ETF1: variants seen among roughly 807,000 people sequenced by gnomAD.
The protein encoded by ETF1 is eukaryotic translation termination factor 1.
Under a neutral mutation model 55.1 loss-of-function variants are expected in ETF1, and 4 were observed. That is an observed-to-expected ratio of 0.07 (90% CI 0.04 to 0.17). The LOEUF (loss-of-function observed/expected upper bound fraction) is 0.17, where lower values mean the gene tolerates loss of function less well. Ranked by LOEUF, ETF1 falls within the 10% of genes least tolerant of loss-of-function variation. The probability of loss-of-function intolerance (pLI) is 1.00; values close to 1 mark genes in which losing one functional copy is unlikely to be tolerated. For synonymous variants in ETF1, 157 were observed against 182.3 expected (o/e 0.86, Z 1.12); for missense variants, 142 against 523.6 (o/e 0.27, Z 7.11).
intron 4 of ETF1, among the ~76,000 whole-genome samples, chr5:138,516,910 C>T (rs891715380): frequency 5.3e-5 from 8 of 151,914 alleles, no homozygotes; most frequent in African/African-American, 1.9e-4. Flanking sequence ...ACTGATGAAA[C>T]GAGAAGCTAT....
chr5:138,508,563 C>A, intron 10 of ETF1, 106 bp downstream of exon 10: 1 of 1,563,430 alleles, frequency 6.4e-7, no homozygotes, highest in Non-Finnish European at 8.6e-7. Flanking sequence ...AATCACCTAT[C>A]CCAGCAGATA....
intron 2 of ETF1, among the ~76,000 whole-genome samples, chr5:138,535,553 C>G (rs2127127065): frequency 6.6e-6 from 1 of 151,920 alleles, no homozygotes; most frequent in South Asian, 2.1e-4. Context: ...AACTCTGTCT[C>G]TACTAAAAAA....
At chr5:138,514,348 G>GT (rs1343442960) in intron 4 of ETF1, among the ~76,000 whole-genome samples, 2 of 152,166 alleles carry the variant, frequency 1.3e-5, no homozygotes, top group Non-Finnish European at 2.9e-5. Flanking sequence ...GAGCTCAGGA[G>GT]TTTGAGACTG....
intron 2 of ETF1, among the ~76,000 whole-genome samples, chr5:138,527,956 G>C (rs1263405639): frequency 1.3e-5 from 2 of 152,028 alleles, no homozygotes; most frequent in African/African-American, 2.4e-5. Flanking sequence ...ATTTTTAGTA[G>C]AGACGGGGTT....
At chr5:138,524,352 AAAC>A (rs1765366941) in intron 2 of ETF1, among the ~76,000 whole-genome samples, 1 of 151,880 alleles carries the variant, frequency 6.6e-6, no homozygotes, top group South Asian at 2.1e-4. Context: ...GACTGTCACA[AAAC>A]AACAAACCAA....
chr5:138,533,072 T>C (rs1335328170), intron 2 of ETF1, among the ~76,000 whole-genome samples: 1 of 151,960 alleles, frequency 6.6e-6, no homozygotes, highest in African/African-American at 2.4e-5. Context: ...CCCAAGTAGC[T>C]GGGATTACAG....
rs58386195 is a variant in ETF1 at position 138,512,197 on chromosome 5, C to CAAAA, written c.732+563_732+566dup. ...TAGGCAAGATAGCCAGACCCAGTCT[C>CAAAA]AAAAAAAAAAAAAAAAAAAAAAAAA... On this transcript the variant is annotated intron_variant, in intron 6 of 10. Transcript: ENST00000360541. Among the ~76,000 whole-genome samples the CAAAA allele has an allele frequency of 6.3e-3, 18 of 2,842 alleles. 4 individuals carry two copies. The highest frequency in any genetic ancestry group is 7.2e-3 in the Non-Finnish European group (13 of 1,796). 1.9% of individuals were successfully genotyped at this position (2,842 alleles called of 152,430 possible). A position where few individuals can be genotyped will look rare whatever the true frequency, so the allele number is the denominator to read the frequency against.
chr5:138,519,296 G>T, intron 2 of ETF1: 1 of 554,720 alleles, frequency 1.8e-6, no homozygotes, highest in Non-Finnish European at 2.3e-6. Flanking sequence ...AGGCATATTT[G>T]TAATCAAGAA....
In ETF1 at chr5:138,541,504, A is replaced by G. The variant is rs1438003353; in HGVS notation, c.86+1329T>C. On this transcript the variant is annotated intron_variant, in intron 2 of 10. Transcript: ENST00000360541. Reference sequence around the variant, plus strand: ...GTCCCTAATTTATTAAGAACAAAACACTAGTAAAACCAACCTGTGAATTGG... The same window carrying G: ...GTCCCTAATTTATTAAGAACAAAACGCTAGTAAAACCAACCTGTGAATTGG... 3 of 1,513,352 alleles carry G rather than the reference A, an allele frequency of 2.0e-6. No individual in the cohort carries two copies. The South Asian group carries it at 3.6e-5, about 18-fold the overall frequency. 93.7% of individuals were successfully genotyped at this position (1,513,352 alleles called of 1,614,324 possible). A position where few individuals can be genotyped will look rare whatever the true frequency, so the allele number is the denominator to read the frequency against.
intron 2 of ETF1, among the ~76,000 whole-genome samples, chr5:138,526,930 G>A (rs961498530): frequency 1.3e-5 from 2 of 152,110 alleles, no homozygotes; most frequent in Non-Finnish European, 2.9e-5. Context: ...TCGATCTCCC[G>A]ACCTTGTGAT....
chr5:138,538,587 T>C (rs1436092005), intron 2 of ETF1, among the ~76,000 whole-genome samples: 1 of 152,132 alleles, frequency 6.6e-6, no homozygotes, highest in African/African-American at 2.4e-5. Context: ...TTTATGAGCC[T>C]GAACTTTAAA....
In ETF1 at chr5:138,543,157, G is replaced by T. The variant is rs1396135169; in HGVS notation, c.-79C>A. 1.0e-5 allele frequency: 6 copies of T among 580,274 alleles called. No homozygotes were observed. The East Asian group carries it at 1.8e-4, about 17-fold the overall frequency. The allele number at this position is 580,274 out of a possible 1,614,324, so 35.9% of individuals were successfully genotyped here. A position where few individuals can be genotyped will look rare whatever the true frequency, so the allele number is the denominator to read the frequency against. ...TCCCCGGCGGCGGCTCCGCGGCGGC[G>T]GCGGCTCTGACGTAGGACACCGGCT... On this transcript the variant is annotated 5_prime_UTR_variant, in exon 1 of 11. Coordinates refer to ENST00000360541, the MANE Select transcript of ETF1 (RefSeq NM_004730.4).
chr5:138,510,977 T>C, intron 8 of ETF1, 68 bp downstream of exon 8: 1 of 1,571,540 alleles, frequency 6.4e-7, no homozygotes, highest in South Asian at 1.2e-5. Flanking sequence ...CAGCCATCCC[T>C]CCCAAATCTC....
rs1381290670 is a variant in ETF1, at chr5:138,543,148, C to CGCGGCG, written c.-76_-71dup. The CGCGGCG allele has an allele frequency of 1.7e-6, 1 of 576,378 alleles. No homozygotes were observed. The highest frequency in any genetic ancestry group is 2.2e-5 in the South Asian group (1 of 45,160). The allele number at this position is 576,378 out of a possible 1,614,324, so 35.7% of individuals were successfully genotyped here. A position where few individuals can be genotyped will look rare whatever the true frequency, so the allele number is the denominator to read the frequency against. On this transcript the variant is annotated 5_prime_UTR_variant, in exon 1 of 11. Coordinates refer to ENST00000360541, the MANE Select transcript of ETF1 (RefSeq NM_004730.4). ...GGCTGCTCCTCCCCGGCGGCGGCTC[C>CGCGGCG]GCGGCGGCGGCGGCTCTGACGTAGG...
intron 2 of ETF1, among the ~76,000 whole-genome samples, chr5:138,522,472 C>T (rs1487092270): frequency 1.3e-5 from 2 of 151,804 alleles, no homozygotes; most frequent in South Asian, 2.1e-4. Flanking sequence ...ACAGAGTTAC[C>T]ATATGACCCA....
chr5:138,518,047 C>CA (rs1218263534), intron 3 of ETF1: 1 of 179,602 alleles, frequency 5.6e-6, no homozygotes, highest in Non-Finnish European at 1.1e-5. Context: ...ACGAAAAATA[C>CA]AAAAAGTAGC....
At chr5:138,532,358 C>T (rs1405129884) in intron 2 of ETF1, among the ~76,000 whole-genome samples, 1 of 152,186 alleles carries the variant, frequency 6.6e-6, no homozygotes. Context: ...GGCCGTGTGA[C>T]CGAAGGCAAA....
chr5:138,537,892 A>AT (rs891238327), intron 2 of ETF1, among the ~76,000 whole-genome samples: 24 of 125,688 alleles, frequency 1.9e-4, no homozygotes, highest in African/African-American at 3.9e-4. Context: ...TATTATTATT[A>AT]TTATTTTTTT....
At chr5:138,530,210 T>C (rs566182065) in intron 2 of ETF1, among the ~76,000 whole-genome samples, 4 of 152,242 alleles carry the variant, frequency 2.6e-5, no homozygotes, top group Non-Finnish European at 4.4e-5. Context: ...CCTGACTCAA[T>C]AGTTTCTGAA....
Sources: allele counts gnomAD v4.1 joint callset (sites outside exome capture counted in the v4.1 genomes callset), GRCh38; gene constraint gnomAD v4.1.1; transcripts MANE v1.5; gene names NCBI Gene and HGNC (gene_info 2026-07-23, HGNC 2026-07-21).